The following CLYBL variants were observed in gnomAD, a reference collection of about 807,000 sequenced individuals.
CLYBL encodes the protein citramalyl-CoA lyase.
Under a neutral mutation model 38.9 loss-of-function variants are expected in CLYBL, and 31 were observed. The ratio of observed to expected loss-of-function variants is 0.80; its 90% confidence interval spans 0.60 to 1.08. CLYBL has a LOEUF of 1.08. Among genes scored for constraint, CLYBL ranks in the 50% least tolerant of loss-of-function variants. The pLI, the probability that CLYBL is intolerant of heterozygous loss-of-function variation, is 0.00. For missense variants in CLYBL, 434 were observed against 411.6 expected (o/e 1.05, Z -0.47); for synonymous variants, 171 against 158.6 (o/e 1.08, Z -0.59).
chr13:99,859,132 TG>T, intron 3 of CLYBL, 83 bp downstream of exon 3: 1 of 1,091,144 alleles, frequency 9.2e-7, no homozygotes, highest in Non-Finnish European at 1.3e-6. Flanking sequence ...GCCACAGGTT[TG>T]GAAAATGCAT....
chr13:99,891,350 C>T lies in CLYBL; in HGVS notation c.960C>T (p.Asp320=). Residue 320 remains aspartate (D), a synonymous_variant, in exon 8 of 9, where the codon GAC becomes GAT. Coordinates refer to ENST00000339105, the MANE Select transcript of CLYBL (RefSeq NM_206808.5). ...TTACTTTCCAAGGGAGTATGATCGA[C>T]ATGCCATTACTGAAGCAGGCCCAGA... ...GAFTFQGSMI[D]MPLLKQAQNT... is the part of the protein sequence containing the mutation. 1 of 1,613,876 alleles carries T rather than the reference C, an allele frequency of 6.2e-7. No individual in the cohort carries two copies. Among genetic ancestry groups the T allele is most frequent in the Non-Finnish European group, 8.5e-7 (1 of 1,179,812 alleles).
At chr13:99,640,329 C>T (rs959407370) in intron 1 of CLYBL, among the ~76,000 whole-genome samples, 6 of 152,054 alleles carry the variant, frequency 3.9e-5, no homozygotes, top group Non-Finnish European at 4.4e-5. Context: ...TGTTCATTGT[C>T]GTAAAATATT....
intron 1 of CLYBL, among the ~76,000 whole-genome samples, chr13:99,731,074 C>A (rs7324907): frequency 9.2e-6 from 1 of 109,206 alleles, no homozygotes; most frequent in Non-Finnish European, 1.7e-5. Flanking sequence ...CAGAGTGAGA[C>A]TCTGTTTCAA....
intron 2 of CLYBL, among the ~76,000 whole-genome samples, chr13:99,836,618 G>T (rs963607013): frequency 1.3e-5 from 2 of 152,136 alleles, no homozygotes; most frequent in Admixed American, 1.3e-4. Context: ...GGATTACAGG[G>T]ATCTGTTAAA....
At chr13:99,750,489 C>T (rs1171094333) in intron 1 of CLYBL, among the ~76,000 whole-genome samples, 2 of 152,050 alleles carry the variant, frequency 1.3e-5, no homozygotes, top group South Asian at 2.1e-4. Context: ...GCCTGGCCAA[C>T]ATGGTGAAAC....
intron 2 of CLYBL, among the ~76,000 whole-genome samples, chr13:99,815,282 G>T (rs2050421305): frequency 6.6e-6 from 1 of 152,156 alleles, no homozygotes; most frequent in Admixed American, 6.5e-5. Context: ...TTTGTGAATG[G>T]CGTGTGGGGA....
At chr13:99,797,228 T>C (rs1022745899) in intron 2 of CLYBL, among the ~76,000 whole-genome samples, 7 of 152,160 alleles carry the variant, frequency 4.6e-5, no homozygotes, top group African/African-American at 1.7e-4. Flanking sequence ...AAGTCATGAG[T>C]TGAACGATTT....
intron 2 of CLYBL, among the ~76,000 whole-genome samples, chr13:99,816,831 G>T (rs182269938): frequency 6.6e-6 from 1 of 152,304 alleles, no homozygotes; most frequent in African/African-American, 2.4e-5. Context: ...TGTTATAGAA[G>T]CCCACATGGA....
Position 99,727,933 on chromosome 13 carries a change from C to T in CLYBL, c.63-44891C>T, listed in dbSNP as rs80103955. 5.4e-3 allele frequency among the ~76,000 whole-genome samples: 817 copies of T among 152,146 alleles called. 19 individuals carry two copies. In the East Asian group the frequency reaches 0.076, roughly 14 times the overall value. On this transcript the variant is annotated intron_variant, in intron 1 of 8. Transcript: ENST00000339105. ...TCTCTACTAAAAATACAAAAATTAGCCAGGCATGGCGGTGGGCTTCTGTAA... is the reference window on the plus strand; with the variant it reads ...TCTCTACTAAAAATACAAAAATTAGTCAGGCATGGCGGTGGGCTTCTGTAA...
intron 1 of CLYBL, among the ~76,000 whole-genome samples, chr13:99,617,342 G>T (rs907016516): frequency 6.6e-6 from 1 of 151,808 alleles, no homozygotes; most frequent in Non-Finnish European, 1.5e-5. Context: ...AGTTTATATG[G>T]TCATTAAAAA....
At chr13:99,759,950 T>C (rs543623835) in intron 1 of CLYBL, among the ~76,000 whole-genome samples, 145 of 152,348 alleles carry the variant, frequency 9.5e-4, no homozygotes, top group Non-Finnish European at 1.8e-3. Context: ...TAAATGCTTT[T>C]ATTGGCTTAA....
intron 1 of CLYBL, among the ~76,000 whole-genome samples, chr13:99,610,503 G>A (rs971190370): frequency 6.6e-5 from 10 of 152,108 alleles, no homozygotes; most frequent in East Asian, 1.9e-4. Flanking sequence ...TGTATTCTTT[G>A]TCATGTGCAA....
At chr13:99,613,380 A>G (rs1158101791) in intron 1 of CLYBL, among the ~76,000 whole-genome samples, 1 of 152,166 alleles carries the variant, frequency 6.6e-6, no homozygotes, top group Non-Finnish European at 1.5e-5. Flanking sequence ...GTCAACAGGA[A>G]GGGGACAGTG....
At chr13:99,638,435 T>C (rs2047052436) in intron 1 of CLYBL, among the ~76,000 whole-genome samples, 1 of 152,276 alleles carries the variant, frequency 6.6e-6, no homozygotes, top group Admixed American at 6.5e-5. Context: ...ACAATATATG[T>C]GTGCCTTATG....
intron 2 of CLYBL, among the ~76,000 whole-genome samples, chr13:99,773,860 A>T (rs2049453868): frequency 6.6e-6 from 1 of 152,196 alleles, no homozygotes; most frequent in Non-Finnish European, 1.5e-5. Context: ...GAAATGACAC[A>T]TAGAACCTTA....
intron 2 of CLYBL, among the ~76,000 whole-genome samples, chr13:99,775,402 A>G (rs996297445): frequency 3.9e-5 from 6 of 152,200 alleles, no homozygotes; most frequent in African/African-American, 1.4e-4. Flanking sequence ...CTTGAAGTAC[A>G]TATGTCCACA....
intron 2 of CLYBL, among the ~76,000 whole-genome samples, chr13:99,788,975 T>C (rs930298891): frequency 6.6e-5 from 10 of 152,252 alleles, no homozygotes; most frequent in African/African-American, 2.4e-4. Context: ...CTAGATTTTC[T>C]AGTTTATTTA....
chr13:99,641,728 C>T (rs540483520), intron 1 of CLYBL, among the ~76,000 whole-genome samples: 18 of 151,990 alleles, frequency 1.2e-4, no homozygotes, highest in African/African-American at 3.6e-4. Flanking sequence ...AGGAGAATGG[C>T]GTGAACCCGG....
chr13:99,732,040 T>C (rs1335605239), intron 1 of CLYBL, among the ~76,000 whole-genome samples: 2 of 152,132 alleles, frequency 1.3e-5, no homozygotes, highest in Admixed American at 6.5e-5. Context: ...TTTGTTTTCC[T>C]TGGGGCTATG....
Sources: gnomAD v4.1 joint callset for allele counts (sites outside exome capture counted in the v4.1 genomes callset) on GRCh38, gnomAD v4.1.1 for gene constraint, MANE v1.5 for transcripts, NCBI Gene and HGNC (gene_info 2026-07-23, HGNC 2026-07-21) for gene names.